Variants in KLB observed in about 807,000 individuals in gnomAD.
The protein encoded by KLB is klotho beta.
Under a neutral mutation model 88.4 loss-of-function variants are expected in KLB, and 44 were observed. That is an observed-to-expected ratio of 0.50 (90% CI 0.39 to 0.64). KLB has a LOEUF of 0.64. Ranked by LOEUF, KLB falls within the 30% of genes least tolerant of loss-of-function variation. KLB has a pLI of 0.00. For synonymous variants in KLB, 548 were observed against 513.4 expected, an observed-to-expected ratio of 1.07 and a Z score of -0.91; for missense variants, 1,137 against 1,304.8, an observed-to-expected ratio of 0.87 and a Z score of 1.98.
chr4:39,412,506 A>G (rs1742876675), intron 1 of KLB, among the ~76,000 whole-genome samples: 1 of 152,108 alleles, frequency 6.6e-6, no homozygotes, highest in African/African-American at 2.4e-5. Flanking sequence ...ATATTCGATC[A>G]TAACACACTA....
rs1441163089 is a variant in KLB at position 39,446,936 on chromosome 4, C to T, written c.2210C>T (p.Ala737Val). ...CAGTTCAGGCCCTCACAGCGCGGGG[C>T]CGTGTCGCTGTCGCTGCACGCGGAC... ...DRQFRPSQRG[A>V]VSLSLHADWA... Residue 737 changes from alanine to valine, a missense_variant, in exon 4 of 5, where the codon GCC (alanine) becomes GTC (valine). Around this residue, in one of 4 missense-constraint regions of KLB, gnomAD observed 426 missense variants for 404.6 expected, o/e 1.05. Coordinates refer to ENST00000257408, the MANE Select transcript of KLB (RefSeq NM_175737.4). The surrounding 1 kb of genome is among the most constrained non-coding windows in gnomAD (Gnocchi z 6.4). 1.2e-6 allele frequency: 2 copies of T among 1,604,594 alleles called. No individual in the cohort carries two copies. The highest frequency in any genetic ancestry group is 1.7e-6 in the Non-Finnish European group (2 of 1,178,762).
Position 39,450,326 on chromosome 4 carries a change from AAG to A in KLB, c.*1644_*1645del, listed in dbSNP as rs996424825. ...CAGCAATTTAGACCTTAACAGTCAC[AAG>A]AGACGTTCTTCTGTTACAAAGCCTT... On this transcript the variant is annotated 3_prime_UTR_variant, in exon 5 of 5. Coordinates refer to ENST00000257408, the MANE Select transcript of KLB (RefSeq NM_175737.4). 1.5e-4 allele frequency: 23 copies of A among 152,244 alleles called. No individual in the cohort carries two copies. Among genetic ancestry groups the A allele is most frequent in the African/African-American group, 4.1e-4 (17 of 41,480 alleles). 9.4% of individuals were successfully genotyped at this position (152,244 alleles called of 1,614,324 possible).
At chr4:39,444,918 A>G (rs1312416813) in intron 3 of KLB, among the ~76,000 whole-genome samples, 3 of 152,230 alleles carry the variant, frequency 2.0e-5, no homozygotes, top group African/African-American at 7.2e-5. Flanking sequence ...CGAAAAAACA[A>G]TTAGAGGGAA....
In KLB at chr4:39,434,721, G is replaced by A; in HGVS notation, c.1336+1G>A. 5.0e-6 allele frequency: 8 copies of A among 1,609,126 alleles called. No individual in the cohort carries two copies. The highest frequency in any genetic ancestry group is 6.8e-6 in the Non-Finnish European group (8 of 1,177,974). On this transcript the variant is annotated splice_donor_variant, in intron 2 of 4. Coordinates refer to ENST00000257408, the MANE Select transcript of KLB (RefSeq NM_175737.4). LOFTEE classifies it high-confidence loss of function. The stretch of plus-strand genomic sequence containing the variant: ...AATTTCCTCAGCCAGGTGCTTCAAG[G>A]TTGGTTGTACACTTGCTTAATTTTT...
chr4:39,439,919 C>T (rs796524424), intron 3 of KLB, among the ~76,000 whole-genome samples: 17 of 152,256 alleles, frequency 1.1e-4, no homozygotes, highest in South Asian at 4.1e-4. Flanking sequence ...CCACCCACCC[C>T]GGCCTCCCAA....
chr4:39,432,197 C>G (rs62310830), intron 1 of KLB, among the ~76,000 whole-genome samples: 24,735 of 151,856 alleles, frequency 0.16, 2,368 homozygotes, highest in Non-Finnish European at 0.22. Flanking sequence ...TGAGGTGGGA[C>G]GATCACTTGA....
At chr4:39,425,431 T>C (rs890240101) in intron 1 of KLB, among the ~76,000 whole-genome samples, 8 of 152,188 alleles carry the variant, frequency 5.3e-5, no homozygotes, top group African/African-American at 1.9e-4. Flanking sequence ...AATAATTTGT[T>C]AGAATAATTT....
At chr4:39,431,266 G>C (rs886280436) in intron 1 of KLB, among the ~76,000 whole-genome samples, 2 of 150,206 alleles carry the variant, frequency 1.3e-5, no homozygotes, top group Non-Finnish European at 3.0e-5. Context: ...TTTTTGAAAC[G>C]GAGTTTCACT....
chr4:39,410,577 GT>G (rs1742816587), intron 1 of KLB, among the ~76,000 whole-genome samples: 1 of 152,160 alleles, frequency 6.6e-6, no homozygotes, highest in Non-Finnish European at 1.5e-5. Flanking sequence ...AGGTGAACTT[GT>G]TTTTCCCACT....
chr4:39,414,409 CTG>C (rs1316595629), intron 1 of KLB, among the ~76,000 whole-genome samples: 1 of 151,862 alleles, frequency 6.6e-6, no homozygotes, highest in Non-Finnish European at 1.5e-5. Context: ...AGAATAAAGA[CTG>C]TCCCTCCTGG....
chr4:39,443,812 C>G (rs1743673366), intron 3 of KLB, among the ~76,000 whole-genome samples: 3 of 150,270 alleles, frequency 2.0e-5, no homozygotes, highest in African/African-American at 4.9e-5. Context: ...ATACTTGGGA[C>G]TCTATGAATA....
intron 4 of KLB, among the ~76,000 whole-genome samples, chr4:39,447,786 T>C (rs12513342): frequency 0.29 from 44,118 of 152,122 alleles, 7,068 homozygotes; most frequent in South Asian, 0.44. Flanking sequence ...TTGCTAGGCT[T>C]TAAAAAAATG....
chr4:39,421,033 A>G (rs939785421), intron 1 of KLB, among the ~76,000 whole-genome samples: 4 of 152,234 alleles, frequency 2.6e-5, no homozygotes, highest in African/African-American at 7.2e-5. Flanking sequence ...TTTGAATCGT[A>G]TTATTACATT....
chr4:39,436,578 C>CA (rs1743476631), intron 2 of KLB, among the ~76,000 whole-genome samples: 2 of 152,152 alleles, frequency 1.3e-5, no homozygotes, highest in Admixed American at 1.3e-4. Flanking sequence ...ATGTCAGTGA[C>CA]AAAAATCCCC....
intron 2 of KLB, among the ~76,000 whole-genome samples, chr4:39,435,973 G>A (rs916493113): frequency 1.3e-5 from 2 of 152,076 alleles, no homozygotes; most frequent in South Asian, 4.2e-4. Context: ...ATTACATGAC[G>A]GCATGATGAA....
rs79989998 is a variant in KLB at position 39,430,999 on chromosome 4, C to T, written c.826-3211C>T. Among the ~76,000 whole-genome samples the T allele has an allele frequency of 0.015, 2,322 of 151,604 alleles. 248 individuals are homozygous for T. In the East Asian group the frequency reaches 0.29, roughly 19 times the overall value. On this transcript the variant is annotated intron_variant, in intron 1 of 4. Coordinates refer to ENST00000257408, the MANE Select transcript of KLB (RefSeq NM_175737.4). ...AGGTGCCATCTCAGCTCACTGCAAC[C>T]TCCGCCTCCCTGGCTCAAATGATCT...
rs1239979955 is a variant in KLB, at chr4:39,446,031, G to A, written c.1606-301G>A. Among the ~76,000 whole-genome samples the A allele has an allele frequency of 6.6e-6, 1 of 152,106 alleles. No individual in the cohort carries two copies. Among genetic ancestry groups the A allele is most frequent in the Admixed American group, 6.6e-5 (1 of 15,264 alleles). On this transcript the variant is annotated intron_variant, in intron 3 of 4. Transcript: ENST00000257408. This position sits in a 1 kb window ranked among gnomAD's most constrained non-coding sequence, Gnocchi z 6.4. ...AATTGCTTTTAATTGAGTGTACCAAGCCAATTTCCTGATGCATTTGAACAG... is the reference window on the plus strand; with the variant it reads ...AATTGCTTTTAATTGAGTGTACCAAACCAATTTCCTGATGCATTTGAACAG...
At chr4:39,407,838 C>T (rs1742763951) in intron 1 of KLB, 64 bp downstream of exon 1, 1 of 967,502 alleles carries the variant, frequency 1.0e-6, no homozygotes, top group African/African-American at 1.6e-5. Flanking sequence ...AATTTACCTT[C>T]TGCCTCAGTA....
intron 1 of KLB, among the ~76,000 whole-genome samples, chr4:39,428,099 A>G (rs1743259000): frequency 6.6e-6 from 1 of 152,232 alleles, no homozygotes; most frequent in African/African-American, 2.4e-5. Flanking sequence ...GACAAAATGT[A>G]TGGAAAGCGA....
Sources: allele counts gnomAD v4.1 joint callset (sites outside exome capture counted in the v4.1 genomes callset), GRCh38; gene constraint gnomAD v4.1.1; regional missense constraint gnomAD v4.1.1; non-coding constraint Gnocchi (gnomAD v3.1); transcripts MANE v1.5; gene names NCBI Gene and HGNC (gene_info 2026-07-23, HGNC 2026-07-21).